The following STAG3 variants were observed in gnomAD, a reference collection of about 807,000 sequenced individuals.
STAG3 encodes cohesin subunit SA-3.
Under a neutral mutation model 160.7 loss-of-function variants are expected in STAG3, and 101 were observed. The observed-to-expected ratio is 0.63, with a 90% CI of 0.54 to 0.74. The LOEUF (loss-of-function observed/expected upper bound fraction) is 0.74. Among genes scored for constraint, STAG3 ranks in the 30% least tolerant of loss-of-function variants. STAG3 has a pLI of 0.00. For missense variants in STAG3, 1,188 were observed against 1,517.4 expected (o/e 0.78, Z 3.61); for synonymous variants, 519 against 585.0 (o/e 0.89, Z 1.63).
At chr7:100,215,469 C>A (rs17309333), downstream of STAG3, among the ~76,000 whole-genome samples, 4,808 of 152,148 alleles carry the variant, frequency 0.032, 116 homozygotes, top group South Asian at 0.089. Context: ...AGCGATCTTT[C>A]GCCTGTATTC....
chr7:100,190,881 C>T (rs2117176179), intron 8 of STAG3, among the ~76,000 whole-genome samples: 1 of 152,286 alleles, frequency 6.6e-6, no homozygotes, highest in East Asian at 1.9e-4. Flanking sequence ...GTCTCCCTTT[C>T]CCAAATATTT....
At chr7:100,202,384 G>C in intron 24 of STAG3, 44 bp downstream of exon 24, 1 of 1,610,312 alleles carries the variant, frequency 6.2e-7, no homozygotes, top group Non-Finnish European at 8.5e-7. Flanking sequence ...GCTGGGGCTT[G>C]GGTGTAGCTC....
In STAG3 at chr7:100,200,892, C is replaced by T. The variant is rs1400291984; in HGVS notation, c.1984C>T (p.Arg662Trp). The part of the protein sequence containing the change: ...LCNPEFTFFS[R>W]ADFARSQLVD... The stretch of plus-strand genomic sequence containing the variant: ...TAATCCCGAATTCACTTTCTTCAGC[C>T]GGGCGGACTTTGCCCGCAGCCAGCT... The change falls in exon 19 of 34, where the codon CGG becomes TGG. Residue 662 changes from arginine (R) to tryptophan (W), a missense_variant. Physicochemically the swap from Arg to Trp is moderately radical, Grantham distance 101. Around this residue, in one of 4 missense-constraint regions of STAG3, gnomAD observed 647 missense variants for 717.2 expected, o/e 0.90. Coordinates refer to ENST00000615138, the MANE Select transcript of STAG3 (RefSeq NM_001282717.2). 13 of 1,614,206 alleles carry T rather than the reference C, an allele frequency of 8.1e-6. No homozygotes were observed. The highest frequency in any genetic ancestry group is 1.6e-4 in the Middle Eastern group (1 of 6,062).
chr7:100,198,837 C>T lies in STAG3; in HGVS notation c.1353-6C>T. The T allele has an allele frequency of 6.2e-7, 1 of 1,611,078 alleles. No individual in the cohort carries two copies. The highest frequency in any genetic ancestry group is 1.1e-5 in the South Asian group (1 of 90,972). ...CTGAGCCCTTTCCTCGTGTCCATTC[C>T]ACCAGACTCTTCTACCCTGAGTGCG... is the stretch of plus-strand genomic sequence containing the variant. On this transcript the variant is annotated splice_region_variant and splice_polypyrimidine_tract_variant and intron_variant, in intron 13 of 33. Coordinates refer to ENST00000615138, the MANE Select transcript of STAG3 (RefSeq NM_001282717.2).
Position 100,207,233 on chromosome 7 carries a change from C to G in STAG3, c.3238+1849C>G, listed in dbSNP as rs182884666. On this transcript the variant is annotated intron_variant, in intron 29 of 33. Transcript: ENST00000615138. This position sits in a 1 kb window ranked among gnomAD's most constrained non-coding sequence, Gnocchi z 4.0. ...TCTTTTCAGTTATCTTGAGATATACCTGGGAGTGGAATTGCTGGTTCGTAT... is the reference window on the plus strand; with the variant it reads ...TCTTTTCAGTTATCTTGAGATATACGTGGGAGTGGAATTGCTGGTTCGTAT... 6.6e-6 allele frequency among the ~76,000 whole-genome samples: 1 copy of G among 152,100 alleles called. No homozygotes were observed.
rs183673132 is a variant in STAG3, at chr7:100,213,314, A to G, written c.3601-421A>G. Reference sequence around the variant, plus strand: ...GGGACACAGATATTCAGTCCATTACAGGCTGCGTATCTTCTGCTGTTATTC... The same window carrying G: ...GGGACACAGATATTCAGTCCATTACGGGCTGCGTATCTTCTGCTGTTATTC... On this transcript the variant is annotated intron_variant, in intron 32 of 33. Coordinates refer to ENST00000615138, the MANE Select transcript of STAG3 (RefSeq NM_001282717.2). The G allele has an allele frequency of 3.2e-5, 32 of 985,350 alleles. No individual in the cohort carries two copies. The African/African-American group carries it at 5.6e-4, about 17-fold the overall frequency. 61.0% of individuals were successfully genotyped at this position (985,350 alleles called of 1,614,324 possible).
chr7:100,198,303 G>T lies in STAG3; in HGVS notation c.1244+137G>T, dbSNP rs909920580. ...TTCCTGAGTTGCAGTATGTTGAGGGGGTAATATTTCTGTCTTCTCTAACTC... is the reference window on the plus strand; with the variant it reads ...TTCCTGAGTTGCAGTATGTTGAGGGTGTAATATTTCTGTCTTCTCTAACTC... On this transcript the variant is annotated intron_variant, in intron 12 of 33. Coordinates refer to ENST00000615138, the MANE Select transcript of STAG3 (RefSeq NM_001282717.2). 19 of 700,354 alleles carry T rather than the reference G, an allele frequency of 2.7e-5. 1 individual carries two copies. The Admixed American group carries it at 4.3e-4, about 16-fold the overall frequency. 43.4% of individuals were successfully genotyped at this position (700,354 alleles called of 1,614,324 possible). A position where few individuals can be genotyped will look rare whatever the true frequency, so the allele number is the denominator to read the frequency against.
chr7:100,215,983 A>G (rs894764187), downstream of STAG3, among the ~76,000 whole-genome samples: 6 of 152,204 alleles, frequency 3.9e-5, no homozygotes, highest in African/African-American at 9.7e-5. Context: ...GGAAAAGGCC[A>G]CGTGTAGGTG....
At chr7:100,217,387 C>T (rs1462056486), downstream of STAG3, among the ~76,000 whole-genome samples, 3 of 152,216 alleles carry the variant, frequency 2.0e-5, no homozygotes, top group Non-Finnish European at 4.4e-5. Context: ...AGGTAGCAGG[C>T]ATGGAGGCCT....
chr7:100,188,384 G>A, intron 5 of STAG3, 69 bp from the exon 6 acceptor site: 2 of 1,016,866 alleles, frequency 2.0e-6, no homozygotes, highest in Admixed American at 1.7e-5. Context: ...TCATCTTCAG[G>A]TATATCTGTA....
At chr7:100,196,821 A>G (rs1800723050) in intron 9 of STAG3, among the ~76,000 whole-genome samples, 1 of 151,916 alleles carries the variant, frequency 6.6e-6, no homozygotes, top group Non-Finnish European at 1.5e-5. Flanking sequence ...TAACTATTTT[A>G]TGGTTTGGTA....
At chr7:100,198,790 C>A in intron 13 of STAG3, 53 bp from the exon 14 acceptor site, 3 of 1,517,716 alleles carry the variant, frequency 2.0e-6, no homozygotes, top group Non-Finnish European at 2.7e-6. Flanking sequence ...GTGGTCGTTA[C>A]ACCTCCTTGT....
chr7:100,198,414 C>T, intron 12 of STAG3, 61 bp from the exon 13 acceptor site: 2 of 1,562,620 alleles, frequency 1.3e-6, no homozygotes, highest in Non-Finnish European at 1.8e-6. Context: ...TGTTTCTAGC[C>T]TTGGTTGTGC....
chr7:100,201,969 G>A lies in STAG3; in HGVS notation c.2322G>A (p.Arg774=). 6.2e-7 allele frequency: 1 copy of A among 1,614,110 alleles called. No homozygotes were observed. The highest frequency in any genetic ancestry group is 8.5e-7 in the Non-Finnish European group (1 of 1,180,014). ...DASQKQLSSL[R]DRMVAFCELC... The stretch of plus-strand genomic sequence containing the variant: ...CACAGAAGCAGCTGTCGAGTTTGAG[G>A]GACAGAATGGTGGCCTTCTGTGAAC... Residue 774 remains arginine, a synonymous_variant, in exon 23 of 34, where the codon AGG becomes AGA. Coordinates refer to ENST00000615138, the MANE Select transcript of STAG3 (RefSeq NM_001282717.2).
chr7:100,197,808 G>A lies in STAG3; in HGVS notation c.1096G>A (p.Ala366Thr). The A allele has an allele frequency of 6.2e-7, 1 of 1,613,764 alleles. No homozygotes were observed. Among genetic ancestry groups the A allele is most frequent in the Non-Finnish European group, 8.5e-7 (1 of 1,179,942 alleles). ...HREVRLKCVKALKGLYGNRDL... is the reference protein window; with the variant it reads ...HREVRLKCVKTLKGLYGNRDL... ...AGAAGTCCGCCTGAAGTGTGTGAAG[G>A]CCCTGAAAGGGCTGTACGGTAACCG... Residue 366 changes from alanine to threonine, a missense_variant, in exon 11 of 34, where the codon GCC (alanine) becomes ACC (threonine). Coordinates refer to ENST00000615138, the MANE Select transcript of STAG3 (RefSeq NM_001282717.2).
At chr7:100,190,759 T>C (rs1039682444) in intron 8 of STAG3, among the ~76,000 whole-genome samples, 3 of 152,226 alleles carry the variant, frequency 2.0e-5, no homozygotes, top group African/African-American at 7.2e-5. Flanking sequence ...ACTTCCTTAA[T>C]GTCCAACTAA....
chr7:100,203,985 C>T (rs762265934), intron 25 of STAG3, 36 bp from the exon 26 acceptor site: 57 of 1,435,090 alleles, frequency 4.0e-5, no homozygotes, highest in Non-Finnish European at 5.4e-5. Flanking sequence ...TCTTTTCCAC[C>T]AGTCAGACAT....
chr7:100,201,373 G>A (rs1226387938), intron 21 of STAG3, 22 bp downstream of exon 21: 1 of 1,610,006 alleles, frequency 6.2e-7, no homozygotes, highest in Non-Finnish European at 8.5e-7. Flanking sequence ...GGCTAGAGAT[G>A]GGTTGGGGGC....
Position 100,200,334 on chromosome 7 carries a change from G to T in STAG3, c.1770+6G>T. On this transcript the variant is annotated splice_donor_region_variant and intron_variant, in intron 17 of 33. Transcript: ENST00000615138. ...TGCCCCAGCTCCTGGCCAAGGTACC[G>T]CTGCCCCTCCACTCTGCATCACACC... 1 of 1,613,664 alleles carries T rather than the reference G, an allele frequency of 6.2e-7. No homozygotes were observed.
Sources: gnomAD v4.1 joint callset for allele counts (sites outside exome capture counted in the v4.1 genomes callset) on GRCh38, gnomAD v4.1.1 for gene constraint, gnomAD v4.1.1 regional missense constraint, Gnocchi (gnomAD v3.1) non-coding constraint, MANE v1.5 for transcripts, NCBI Gene and HGNC (gene_info 2026-07-23, HGNC 2026-07-21) for gene names.